Variants in GRIK2 observed in about 807,000 individuals in gnomAD.
The protein encoded by GRIK2 is glutamate ionotropic receptor kainate type subunit 2.
Under a neutral mutation model 100.3 loss-of-function variants are expected in GRIK2, and 32 were observed. That is an observed-to-expected ratio of 0.32 (90% CI 0.24 to 0.43). The LOEUF is 0.43. GRIK2 is among the 20% of genes least tolerant of loss of function. The pLI is 1.00. For missense variants in GRIK2, 843 were observed against 1,114.9 expected (o/e 0.76, Z 3.47); for synonymous variants, 417 against 389.4 (o/e 1.07, Z -0.83).
intron 15 of GRIK2, among the ~76,000 whole-genome samples, chr6:102,038,203 G>A (rs1488426717): frequency 6.6e-6 from 1 of 151,268 alleles, no homozygotes; most frequent in Non-Finnish European, 1.5e-5. Flanking sequence ...GGAGAAATAT[G>A]GTTAGCTGAT....
chr6:101,654,588 T>C (rs1481413157), intron 4 of GRIK2, among the ~76,000 whole-genome samples: 1 of 152,172 alleles, frequency 6.6e-6, no homozygotes, highest in East Asian at 1.9e-4. Flanking sequence ...CAGTCTGTAA[T>C]AAGGCAAATT....
intron 14 of GRIK2, among the ~76,000 whole-genome samples, chr6:101,956,711 T>C (rs910304594): frequency 3.3e-5 from 5 of 151,336 alleles, no homozygotes; most frequent in Non-Finnish European, 5.9e-5. Flanking sequence ...AAAGACATGA[T>C]TTCATTCTTT....
At chr6:101,452,308 A>G (rs919621602) in intron 2 of GRIK2, among the ~76,000 whole-genome samples, 1 of 151,818 alleles carries the variant, frequency 6.6e-6, no homozygotes, top group Non-Finnish European at 1.5e-5. Context: ...ATAACACTTT[A>G]AGAATAACTT....
intron 10 of GRIK2, among the ~76,000 whole-genome samples, chr6:101,819,986 C>T (rs1309207944): frequency 2.0e-5 from 3 of 152,102 alleles, no homozygotes; most frequent in Non-Finnish European, 2.9e-5. Flanking sequence ...ATAGGGTCCT[C>T]TATGGTCTTA....
chr6:101,483,864 C>T lies in GRIK2; in HGVS notation c.115+84472C>T, dbSNP rs574625878. The stretch of plus-strand genomic sequence containing the variant: ...GGATTATGGGCGTGAGCCACCATGC[C>T]CGGACCCTGTGTTAGTTTTTATTGA... On this transcript the variant is annotated intron_variant, in intron 2 of 16. Coordinates refer to ENST00000369134, the MANE Select transcript of GRIK2 (RefSeq NM_021956.5). Among the ~76,000 whole-genome samples, 5 of 152,330 alleles carry T rather than the reference C, an allele frequency of 3.3e-5. No individual in the cohort carries two copies. The South Asian group carries it at 1.0e-3, about 32-fold the overall frequency.
At chr6:101,889,263 ATAAT>A (rs562678645) in intron 11 of GRIK2, among the ~76,000 whole-genome samples, 166 of 152,156 alleles carry the variant, frequency 1.1e-3, no homozygotes, top group African/African-American at 3.0e-3. Flanking sequence ...TATTAAGAAA[ATAAT>A]TAATATTAAA....
intron 14 of GRIK2, among the ~76,000 whole-genome samples, chr6:101,943,864 T>C (rs1022591570): frequency 6.6e-6 from 1 of 152,132 alleles, no homozygotes; most frequent in Non-Finnish European, 1.5e-5. Context: ...TGCTGGACAC[T>C]GTTGGAAAAG....
intron 7 of GRIK2, among the ~76,000 whole-genome samples, chr6:101,752,019 A>G (rs1252869422): frequency 1.3e-5 from 2 of 152,134 alleles, no homozygotes; most frequent in Non-Finnish European, 2.9e-5. Flanking sequence ...CCTATGTACT[A>G]TTTAGTTTCC....
Position 101,622,050 on chromosome 6 carries a change from A to G in GRIK2, c.217A>G (p.Asn73Asp). The change falls in exon 3 of 17, where the codon AAT becomes GAT. Residue 73 changes from asparagine to aspartate, a missense_variant. Around this residue, in one of 3 missense-constraint regions of GRIK2, gnomAD observed 519 missense variants for 643.8 expected, o/e 0.81. Coordinates refer to ENST00000369134, the MANE Select transcript of GRIK2 (RefSeq NM_021956.5). ...TAACAGAAACAGAACATTGCTACCC[A>G]ATACTACCCTTACCTATGATACCCA... ...TINRNRTLLP[N>D]TTLTYDTQKI... is the part of the protein sequence containing the mutation. The G allele has an allele frequency of 6.2e-7, 1 of 1,603,470 alleles. No homozygotes were observed. The highest frequency in any genetic ancestry group is 2.2e-5 in the East Asian group (1 of 44,728).
chr6:101,656,302 CAAAAAAA>C (rs111721256), intron 4 of GRIK2, among the ~76,000 whole-genome samples: 22 of 84,020 alleles, frequency 2.6e-4, no homozygotes, highest in South Asian at 1.1e-3. Context: ...AGACTCCATC[CAAAAAAA>C]AAAAAAAGAA....
intron 2 of GRIK2, among the ~76,000 whole-genome samples, chr6:101,411,532 T>C (rs951306270): frequency 5.9e-5 from 9 of 152,114 alleles, no homozygotes; most frequent in African/African-American, 2.2e-4. Flanking sequence ...AAAATAAAGA[T>C]CTCACACACT....
At chr6:101,982,582 A>G (rs539300638) in intron 14 of GRIK2, among the ~76,000 whole-genome samples, 1 of 151,834 alleles carries the variant, frequency 6.6e-6, no homozygotes, top group South Asian at 2.1e-4. Context: ...ATAAGAAGAG[A>G]AAAATTGAAT....
intron 7 of GRIK2, among the ~76,000 whole-genome samples, chr6:101,710,090 A>T (rs1403433358): frequency 6.6e-6 from 1 of 151,898 alleles, no homozygotes; most frequent in Non-Finnish European, 1.5e-5. Flanking sequence ...TGTTAGAGAT[A>T]CTTGGTCTTA....
chr6:101,981,256 A>G (rs998644800), intron 14 of GRIK2, among the ~76,000 whole-genome samples: 4 of 151,868 alleles, frequency 2.6e-5, no homozygotes, highest in African/African-American at 9.7e-5. Context: ...GTATAATACT[A>G]TTTTAACAAA....
chr6:101,843,055 C>T (rs566011871), intron 10 of GRIK2, among the ~76,000 whole-genome samples: 3 of 152,190 alleles, frequency 2.0e-5, no homozygotes, highest in South Asian at 4.1e-4. Flanking sequence ...CTTCATTTTT[C>T]GATTGGCTCC....
chr6:101,978,898 T>C (rs1255335528), intron 14 of GRIK2, among the ~76,000 whole-genome samples: 1 of 152,012 alleles, frequency 6.6e-6, no homozygotes, highest in Non-Finnish European at 1.5e-5. Context: ...TTTCTAATAC[T>C]ACTTAATGGC....
At chr6:101,474,534 A>G (rs2128257805) in intron 2 of GRIK2, among the ~76,000 whole-genome samples, 2 of 152,016 alleles carry the variant, frequency 1.3e-5, no homozygotes, top group East Asian at 3.9e-4. Context: ...AGGCTTGAAT[A>G]TTATACTTTG....
chr6:101,761,200 A>G (rs1562365296), intron 7 of GRIK2, among the ~76,000 whole-genome samples: 1 of 152,152 alleles, frequency 6.6e-6, no homozygotes, highest in Non-Finnish European at 1.5e-5. Flanking sequence ...CTCTAGGGCC[A>G]CTATCTTTGA....
At chr6:102,062,531 T>C (rs1476368853) in intron 16 of GRIK2, among the ~76,000 whole-genome samples, 1 of 150,604 alleles carries the variant, frequency 6.6e-6, no homozygotes, top group East Asian at 1.9e-4. Context: ...TCACGAAAGA[T>C]GCTACATGTA....
Sources: gnomAD v4.1 joint callset for allele counts (sites outside exome capture counted in the v4.1 genomes callset) on GRCh38, gnomAD v4.1.1 for gene constraint, gnomAD v4.1.1 regional missense constraint, MANE v1.5 for transcripts, NCBI Gene and HGNC (gene_info 2026-07-23, HGNC 2026-07-21) for gene names.